Variants in CDH13 observed in about 807,000 individuals in gnomAD.
The protein encoded by CDH13 is cadherin-13.
A neutral mutation model predicts 63.8 loss-of-function variants in CDH13; 24 were observed. The ratio of observed to expected loss-of-function variants is 0.38; its 90% CI spans 0.27 to 0.53. CDH13 has a LOEUF of 0.53. CDH13 is among the 20% of genes least tolerant of loss of function. CDH13 has a pLI of 0.85. For missense variants in CDH13, 1,049 were observed against 903.1 expected, an observed-to-expected ratio of 1.16 and a Z score of -2.07; for synonymous variants, 503 against 355.3, an observed-to-expected ratio of 1.42 and a Z score of -4.67.
At chr16:83,044,432 T>G (rs907519708) in intron 3 of CDH13, among the ~76,000 whole-genome samples, 28 of 152,190 alleles carry the variant, frequency 1.8e-4, no homozygotes, top group African/African-American at 6.8e-4. Flanking sequence ...TTTAGGAAGG[T>G]GGGCAAGCCC....
chr16:83,510,009 T>C (rs2074519730), intron 7 of CDH13, among the ~76,000 whole-genome samples: 1 of 152,170 alleles, frequency 6.6e-6, no homozygotes, highest in Admixed American at 6.5e-5. Context: ...TAGCCCTGCT[T>C]TAATGGACTT....
At chr16:83,203,634 C>T (rs1268962646) in intron 4 of CDH13, among the ~76,000 whole-genome samples, 2 of 136,488 alleles carry the variant, frequency 1.5e-5, no homozygotes, top group Admixed American at 1.6e-4. Context: ...TGCATTCCAG[C>T]CTGGGTGACA....
Position 83,695,835 on chromosome 16 carries a change from G to A in CDH13, c.1538+17374G>A, listed in dbSNP as rs1306775460. ...GTTCTATAGATGAGGAAGGGAGGTC[G>A]AACCTTTCGTGAGTGAAAGAGACGG... is the stretch of plus-strand genomic sequence containing the variant. On this transcript the variant is annotated intron_variant, in intron 10 of 13. Coordinates refer to ENST00000567109, the MANE Select transcript of CDH13 (RefSeq NM_001257.5). Among the ~76,000 whole-genome samples the A allele has an allele frequency of 3.3e-5, 5 of 151,922 alleles. No homozygotes were observed. In the East Asian group the frequency reaches 5.8e-4, roughly 18 times the overall value.
intron 7 of CDH13, among the ~76,000 whole-genome samples, chr16:83,594,670 G>A (rs1419924100): frequency 1.3e-5 from 2 of 152,236 alleles, no homozygotes; most frequent in African/African-American, 2.4e-5. Flanking sequence ...AGAGAGATGG[G>A]GTACTGTGTG....
At chr16:83,144,510 A>G (rs2036664114) in intron 4 of CDH13, among the ~76,000 whole-genome samples, 1 of 152,252 alleles carries the variant, frequency 6.6e-6, no homozygotes. Flanking sequence ...TCACCACGAG[A>G]CAAGGTGTGT....
intron 6 of CDH13, among the ~76,000 whole-genome samples, chr16:83,458,755 C>G (rs1420908138): frequency 6.6e-6 from 1 of 152,156 alleles, no homozygotes; most frequent in African/African-American, 2.4e-5. Context: ...GATGAATTCC[C>G]AATGGTGCGA....
At chr16:83,368,937 T>TATATATATATAC (rs1567622155) in intron 6 of CDH13, among the ~76,000 whole-genome samples, 8 of 68,892 alleles carry the variant, frequency 1.2e-4, no homozygotes, top group Non-Finnish European at 2.2e-4. Flanking sequence ...TATATATATA[T>TATATATATATAC]ACTAGGTTTT....
intron 1 of CDH13, among the ~76,000 whole-genome samples, chr16:82,731,592 A>C (rs960573611): frequency 1.3e-5 from 2 of 152,232 alleles, no homozygotes; most frequent in Non-Finnish European, 2.9e-5. Context: ...GTTTATTTTC[A>C]ATCTTGCTTG....
intron 1 of CDH13, among the ~76,000 whole-genome samples, chr16:82,655,077 C>T (rs1350058541): frequency 6.6e-6 from 1 of 152,212 alleles, no homozygotes; most frequent in African/African-American, 2.4e-5. Context: ...AAGATAATTT[C>T]CCTGCCTTTC....
chr16:83,309,918 T>C (rs80152214), intron 5 of CDH13, among the ~76,000 whole-genome samples: 3,311 of 152,156 alleles, frequency 0.022, 69 homozygotes, highest in African/African-American at 0.054. Flanking sequence ...TAATCCTGGG[T>C]GAAAGTGGCT....
chr16:83,430,378 A>C (rs1340442886), intron 6 of CDH13, among the ~76,000 whole-genome samples: 1 of 152,256 alleles, frequency 6.6e-6, no homozygotes, highest in Non-Finnish European at 1.5e-5. Flanking sequence ...AAAACAGGGC[A>C]TAAGGAAAAT....
At chr16:83,649,855 C>T (rs565823175) in intron 8 of CDH13, among the ~76,000 whole-genome samples, 1 of 152,202 alleles carries the variant, frequency 6.6e-6, no homozygotes, top group East Asian at 1.9e-4. Flanking sequence ...GGACCTGATT[C>T]AAAAGGCGGG....
rs377191847 is a variant in CDH13, at chr16:83,242,740, G to A, written c.636+25243G>A. On this transcript the variant is annotated intron_variant, in intron 5 of 13. Transcript: ENST00000567109. ...TTAGATGATTGTCTTCTTGGAGACC[G>A]ATGTTGGGGAAGACTCTGAGGCTGC... is the stretch of plus-strand genomic sequence containing the variant. 1.4e-4 allele frequency among the ~76,000 whole-genome samples: 22 copies of A among 152,304 alleles called. No homozygotes were observed. In the South Asian group the frequency reaches 2.9e-3, roughly 20 times the overall value.
At chr16:83,239,470 G>A (rs1904297370) in intron 5 of CDH13, among the ~76,000 whole-genome samples, 1 of 152,198 alleles carries the variant, frequency 6.6e-6, no homozygotes, top group Non-Finnish European at 1.5e-5. Flanking sequence ...GACACCAGGA[G>A]GGTCTTACTT....
chr16:82,882,419 T>A (rs941904654), intron 2 of CDH13, among the ~76,000 whole-genome samples: 1 of 152,152 alleles, frequency 6.6e-6, no homozygotes, highest in Non-Finnish European at 1.5e-5. Flanking sequence ...CCGCTGCCAA[T>A]GACCACCAGC....
At position 82,866,555 on chromosome 16, in the gene CDH13, A is replaced by G. The variant is rs148490693; in HGVS notation, c.157+8082A>G. 9.1e-3 allele frequency among the ~76,000 whole-genome samples: 1,378 copies of G among 151,220 alleles called. 29 individuals are homozygous for G. Among genetic ancestry groups the G allele is most frequent in the African/African-American group, 0.032 (1,332 of 41,246 alleles). ...AGGCATGAGCCACCATGCCTGGCTA[A>G]TTTTTTGTAGTTTTAGTACAAAGAG... On this transcript the variant is annotated intron_variant, in intron 2 of 13. Transcript: ENST00000567109.
intron 6 of CDH13, among the ~76,000 whole-genome samples, chr16:83,456,397 A>T (rs1208477049): frequency 1.3e-5 from 2 of 152,188 alleles, no homozygotes; most frequent in Non-Finnish European, 2.9e-5. Flanking sequence ...CGGGCTTTGG[A>T]AAAATCCAAA....
In CDH13 at chr16:83,799,735, G is replaced by A. The variant is rs544843111; in HGVS notation, c.*4705G>A. 37 of 152,126 alleles carry A rather than the reference G, an allele frequency of 2.4e-4. No homozygotes were observed. Among genetic ancestry groups the A allele is most frequent in the Non-Finnish European group, 5.1e-4 (35 of 68,030 alleles). 9.4% of individuals were successfully genotyped at this position (152,126 alleles called of 1,614,324 possible). On this transcript the variant is annotated 3_prime_UTR_variant, in exon 14 of 14. Coordinates refer to ENST00000567109, the MANE Select transcript of CDH13 (RefSeq NM_001257.5). ...TCTAATGATAAAATGCTTTCAAAATGGTTCATCTAACACAATTAACAATTC... is the reference window on the plus strand; with the variant it reads ...TCTAATGATAAAATGCTTTCAAAATAGTTCATCTAACACAATTAACAATTC...
intron 1 of CDH13, among the ~76,000 whole-genome samples, chr16:82,675,431 G>GTA (rs1913783003): frequency 6.6e-6 from 1 of 152,170 alleles, no homozygotes; most frequent in Admixed American, 6.5e-5. Flanking sequence ...GTCACACACA[G>GTA]TAAAAACACA....
Sources: allele counts gnomAD v4.1 joint callset (sites outside exome capture counted in the v4.1 genomes callset), GRCh38; gene constraint gnomAD v4.1.1; transcripts MANE v1.5; gene names NCBI Gene and HGNC (gene_info 2026-07-23, HGNC 2026-07-21).